The following PCDHA3 variants were observed in gnomAD, a reference collection of about 807,000 sequenced individuals.
PCDHA3 encodes the protein protocadherin alpha-3.
In PCDHA3, 41 loss-of-function variants were observed where a neutral mutation model predicts 62.2. The observed-to-expected ratio is 0.66, with a 90% CI of 0.51 to 0.86. PCDHA3 has a LOEUF of 0.86. PCDHA3 is among the 40% of genes least tolerant of loss of function. The probability of loss-of-function intolerance (pLI) is 0.00; values close to 1 mark genes in which losing one functional copy is unlikely to be tolerated. For synonymous variants in PCDHA3, 640 were observed against 555.4 expected (o/e 1.15, Z -2.14); for missense variants, 1,304 against 1,241.2 (o/e 1.05, Z -0.76).
At chr5:140,915,622 T>TTCTC (rs1418940406) in intron 1 of PCDHA3, among the ~76,000 whole-genome samples, 2 of 128,520 alleles carry the variant, frequency 1.6e-5, no homozygotes, top group South Asian at 2.5e-4. Flanking sequence ...AACAGTCTCT[T>TTCTC]TCTGTCTCTC....
At chr5:140,899,269 A>C (rs1301807291) in intron 1 of PCDHA3, among the ~76,000 whole-genome samples, 2 of 152,260 alleles carry the variant, frequency 1.3e-5, no homozygotes, top group East Asian at 3.9e-4. Context: ...GTCTTGTGGC[A>C]GTTTTCAAAG....
chr5:140,849,974 G>A lies in PCDHA3; in HGVS notation c.2394+46383G>A, dbSNP rs190398483. The stretch of plus-strand genomic sequence containing the variant: ...AGGAGAACGCCCTGGTGTCCTACTC[G>A]CTGGTGGAGCGGCGGTTGGGCGAGC... On this transcript the variant is annotated intron_variant, in intron 1 of 3. Transcript: ENST00000522353. The A allele has an allele frequency of 6.3e-5, 100 of 1,597,670 alleles. 8 individuals carry two copies. Among genetic ancestry groups the A allele is most frequent in the Non-Finnish European group, 7.6e-5 (89 of 1,167,890 alleles).
At chr5:140,974,799 A>G (rs116037205) in intron 1 of PCDHA3, among the ~76,000 whole-genome samples, 2 of 152,294 alleles carry the variant, frequency 1.3e-5, no homozygotes, top group African/African-American at 2.4e-5. Context: ...TCATTTTGAT[A>G]TACTAGAAGA....
intron 1 of PCDHA3, among the ~76,000 whole-genome samples, chr5:140,846,515 C>T (rs2150391789): frequency 6.8e-6 from 1 of 147,842 alleles, no homozygotes; most frequent in Non-Finnish European, 1.5e-5. Flanking sequence ...GCTGGGATTA[C>T]AGGTGCATGC....
intron 1 of PCDHA3, among the ~76,000 whole-genome samples, chr5:140,885,740 GTTACT>G (rs1554182262): frequency 2.6e-5 from 4 of 152,016 alleles, no homozygotes; most frequent in African/African-American, 9.7e-5. Context: ...ATATTTCACT[GTTACT>G]TTAATTTTAA....
rs1439259875 is a variant in PCDHA3 at position 141,011,882 on chromosome 5, GATTA to G, written c.*1950_*1953del. On this transcript the variant is annotated 3_prime_UTR_variant, in exon 4 of 4. Coordinates refer to ENST00000522353, the MANE Select transcript of PCDHA3 (RefSeq NM_018906.3). ...GTTATAATGTACAATTTAGAAGTTTGATTAATTATATTATCTATTTAGGCATTAA... is the reference window on the plus strand; with the variant it reads ...GTTATAATGTACAATTTAGAAGTTTGATTATATTATCTATTTAGGCATTAA... 2.0e-5 allele frequency: 3 copies of G among 153,360 alleles called. No homozygotes were observed. Among genetic ancestry groups the G allele is most frequent in the Non-Finnish European group, 4.4e-5 (3 of 68,010 alleles). 9.5% of individuals were successfully genotyped at this position (153,360 alleles called of 1,614,324 possible).
At chr5:140,828,561 C>A (rs2150156811) in intron 1 of PCDHA3, 1 of 1,614,178 alleles carries the variant, frequency 6.2e-7, no homozygotes, top group African/African-American at 1.3e-5. Flanking sequence ...CTGGAGGGCG[C>A]GTCCGATGCA....
intron 1 of PCDHA3, chr5:140,858,242 C>G (rs1554151322): frequency 6.3e-7 from 1 of 1,596,300 alleles, no homozygotes; most frequent in Non-Finnish European, 8.6e-7. Flanking sequence ...CGCATGTGGG[C>G]CGGTGAAGCC....
At chr5:140,866,404 A>C (rs781790462) in intron 1 of PCDHA3, 1 of 152,130 alleles carries the variant, frequency 6.6e-6, no homozygotes, top group Non-Finnish European at 1.5e-5. Context: ...TTCCCATGAA[A>C]ATCTTCAAAT....
chr5:140,948,602 A>G (rs537329393), intron 1 of PCDHA3, among the ~76,000 whole-genome samples: 2 of 151,590 alleles, frequency 1.3e-5, no homozygotes, highest in Non-Finnish European at 3.0e-5. Context: ...AATTTATCAT[A>G]TTTTTGGCAC....
intron 1 of PCDHA3, among the ~76,000 whole-genome samples, chr5:140,965,466 A>C (rs1364686627): frequency 2.6e-5 from 4 of 152,002 alleles, no homozygotes; most frequent in Non-Finnish European, 4.4e-5. Flanking sequence ...GATAAATCCC[A>C]GACTCCCACA....
chr5:141,005,563 A>G (rs938722871), intron 3 of PCDHA3, among the ~76,000 whole-genome samples: 4 of 151,458 alleles, frequency 2.6e-5, no homozygotes, highest in East Asian at 1.9e-4. Context: ...TTAGCCGGGC[A>G]TGGTGGCGCG....
At chr5:140,948,237 T>C (rs532703710) in intron 1 of PCDHA3, among the ~76,000 whole-genome samples, 1 of 151,810 alleles carries the variant, frequency 6.6e-6, no homozygotes, top group South Asian at 2.1e-4. Flanking sequence ...ACTTGTATTT[T>C]AGTAAATATT....
intron 1 of PCDHA3, among the ~76,000 whole-genome samples, chr5:140,934,025 A>C (rs190533956): frequency 1.2e-3 from 183 of 152,100 alleles, no homozygotes; most frequent in Non-Finnish European, 2.2e-3. Flanking sequence ...ACTTGGAAGT[A>C]GTTTATTAAT....
At chr5:140,819,371 G>C (rs1180027831) in intron 1 of PCDHA3, among the ~76,000 whole-genome samples, 1 of 152,040 alleles carries the variant, frequency 6.6e-6, no homozygotes, top group South Asian at 2.1e-4. Context: ...TCTTGTGTTA[G>C]TATATTTCTA....
In PCDHA3 at chr5:140,801,769, C is replaced by T; in HGVS notation, c.572C>T (p.Ser191Phe). ...DVKRNDEEIK[S>F]LGLVLKKNLN... ...AAAAGAAATGATGAGGAAATTAAAT[C>T]CCTTGGACTCGTGTTGAAAAAAAAT... The change falls in exon 1 of 4, where the codon TCC becomes TTC. Residue 191 changes from serine to phenylalanine, a missense_variant. Transcript: ENST00000522353. The T allele has an allele frequency of 6.2e-7, 1 of 1,613,918 alleles. No individual in the cohort carries two copies. The highest frequency in any genetic ancestry group is 1.3e-5 in the African/African-American group (1 of 74,978).
At chr5:140,927,366 A>C in intron 1 of PCDHA3, 1 of 1,614,088 alleles carries the variant, frequency 6.2e-7, no homozygotes, top group Non-Finnish European at 8.5e-7. Context: ...GCAATGGGAT[A>C]CTAAGCTACA....
At chr5:140,838,077 AGTGT>A (rs2150283763) in intron 1 of PCDHA3, among the ~76,000 whole-genome samples, 8,027 of 79,764 alleles carry the variant, frequency 0.1, 265 homozygotes, top group South Asian at 0.12. Flanking sequence ...ATATATATAT[AGTGT>A]GTGTGTGTGT....
intron 1 of PCDHA3, among the ~76,000 whole-genome samples, chr5:140,931,648 T>G (rs1258876806): frequency 6.6e-6 from 1 of 152,014 alleles, no homozygotes; most frequent in African/African-American, 2.4e-5. Context: ...TGCTAATAAT[T>G]GTTGTGGGCT....
Sources: gnomAD v4.1 joint callset for allele counts (sites outside exome capture counted in the v4.1 genomes callset) on GRCh38, gnomAD v4.1.1 for gene constraint, MANE v1.5 for transcripts, NCBI Gene and HGNC (gene_info 2026-07-23, HGNC 2026-07-21) for gene names.